The following CACNA1H variants were observed in gnomAD, a reference collection of about 807,000 sequenced individuals.
CACNA1H encodes the protein voltage-dependent T-type calcium channel subunit alpha-1H.
A neutral mutation model predicts 192.5 loss-of-function variants in CACNA1H; 149 were observed. That is an observed-to-expected ratio of 0.77 (90% CI 0.68 to 0.89). The LOEUF is 0.89. CACNA1H is among the 40% of genes least tolerant of loss of function. The probability of loss-of-function intolerance (pLI) is 0.00; values close to 1 mark genes in which losing one functional copy is unlikely to be tolerated. For missense variants in CACNA1H, 4,257 were observed against 3,423.5 expected (o/e 1.24, Z -6.08); for synonymous variants, 2,202 against 1,475.2 (o/e 1.49, Z -11.29).
In CACNA1H at chr16:1,209,332, G is replaced by T; in HGVS notation, c.3664G>T (p.Val1222Leu). 1 of 1,598,032 alleles carries T rather than the reference G, an allele frequency of 6.3e-7. No homozygotes were observed. Among genetic ancestry groups the T allele is most frequent in the Non-Finnish European group, 8.5e-7 (1 of 1,179,416 alleles). Reference protein sequence around the residue: ...TKCRDRDGQVVALPSDFFLRI... With the variant: ...TKCRDRDGQVLALPSDFFLRI... ...GTGCCGCGATCGCGACGGGCAGGTG[G>T]TGGCCCTGCCCAGCGACTTCTTCCT... Residue 1222 changes from valine to leucine, a missense_variant, in exon 17 of 35, where the codon GTG becomes TTG. Transcript: ENST00000348261.
intron 2 of CACNA1H, among the ~76,000 whole-genome samples, chr16:1,183,655 C>T (rs961705107): frequency 3.9e-5 from 6 of 152,250 alleles, no homozygotes; most frequent in Non-Finnish European, 8.8e-5. Flanking sequence ...TCAGGGCAGG[C>T]TCTGGAGCTC....
chr16:1,178,706 C>T (rs1022608115), intron 2 of CACNA1H, among the ~76,000 whole-genome samples: 1 of 152,230 alleles, frequency 6.6e-6, no homozygotes, highest in Non-Finnish European at 1.5e-5. Flanking sequence ...TCCCTGACCC[C>T]TGGCCAAACC....
intron 2 of CACNA1H, among the ~76,000 whole-genome samples, chr16:1,156,234 A>T (rs1261618798): frequency 6.6e-6 from 1 of 151,916 alleles, no homozygotes; most frequent in South Asian, 2.1e-4. Flanking sequence ...ACTCCAGGAG[A>T]CATGGGAAGC....
intron 2 of CACNA1H, among the ~76,000 whole-genome samples, chr16:1,172,000 C>T (rs1030466322): frequency 3.3e-5 from 5 of 152,228 alleles, no homozygotes; most frequent in African/African-American, 4.8e-5. Context: ...GTGGGCCCCC[C>T]GCCAGGTGCT....
chr16:1,197,715 C>T (rs1195197043), intron 5 of CACNA1H, among the ~76,000 whole-genome samples: 3 of 152,200 alleles, frequency 2.0e-5, no homozygotes, highest in African/African-American at 7.2e-5. Context: ...CTCTGACTCA[C>T]CCTTGTGACC....
chr16:1,160,215 C>G (rs1037047617), intron 2 of CACNA1H: 3 of 152,324 alleles, frequency 2.0e-5, no homozygotes, highest in African/African-American at 4.8e-5. Context: ...CTGTCCCTGC[C>G]TGTCCTCGTC....
Position 1,205,132 on chromosome 16 carries a change from G to A in CACNA1H, c.2470G>A (p.Ala824Thr), listed in dbSNP as rs762216034. Residue 824 changes from alanine (A) to threonine (T), a missense_variant, in exon 11 of 35, where the codon GCT becomes ACT. Transcript: ENST00000348261. ...YHEQPEELTN[A>T]LEISNIVFTS... ...CCTGCAGCCCGAGGAGCTGACTAAT[G>A]CTCTGGAGATCAGCAACATCGTGTT... The A allele has an allele frequency of 3.1e-6, 5 of 1,612,394 alleles. No homozygotes were observed. The highest frequency in any genetic ancestry group is 3.3e-4 in the Middle Eastern group (2 of 6,058).
intron 31 of CACNA1H, among the ~76,000 whole-genome samples, chr16:1,217,452 G>C (rs60635497): frequency 0.014 from 2,153 of 151,638 alleles, 49 homozygotes; most frequent in African/African-American, 0.049. Context: ...GCTGGGCGGG[G>C]CAGGTGGGGA....
At chr16:1,209,667 G>A (rs1969191969) in intron 17 of CACNA1H, among the ~76,000 whole-genome samples, 1 of 152,242 alleles carries the variant, frequency 6.6e-6, no homozygotes, top group Admixed American at 6.5e-5. Flanking sequence ...CGGGGGCTGG[G>A]CTCTGCGCCG....
intron 5 of CACNA1H, among the ~76,000 whole-genome samples, chr16:1,197,194 C>G (rs1261361899): frequency 6.6e-6 from 1 of 152,208 alleles, no homozygotes; most frequent in African/African-American, 2.4e-5. Context: ...TACTGTGTGA[C>G]TCTGAGCAAC....
At chr16:1,211,373 C>T (rs1297197964) in intron 22 of CACNA1H, 79 bp downstream of exon 22, 19 of 1,606,290 alleles carry the variant, frequency 1.2e-5, no homozygotes, top group East Asian at 4.5e-5. Context: ...CCAGCAGCGC[C>T]GCTGCGGGAC....
At chr16:1,189,311 C>T (rs1034154781) in intron 2 of CACNA1H, among the ~76,000 whole-genome samples, 1 of 151,010 alleles carries the variant, frequency 6.6e-6, no homozygotes, top group Non-Finnish European at 1.5e-5. Context: ...ACCTGCCCAG[C>T]CCCTCAGAAG....
At chr16:1,193,692 C>T (rs7191370) in intron 2 of CACNA1H, among the ~76,000 whole-genome samples, 7,471 of 152,286 alleles carry the variant, frequency 0.049, 617 homozygotes, top group African/African-American at 0.17. Context: ...AATTACCGCA[C>T]TCTTGGTGGG....
At chr16:1,218,749 G>A in intron 33 of CACNA1H, 98 bp downstream of exon 33, 1 of 1,287,348 alleles carries the variant, frequency 7.8e-7, no homozygotes, top group African/African-American at 1.5e-5. Context: ...GCCAGAGCAG[G>A]GCAAGAGGAA....
intron 2 of CACNA1H, among the ~76,000 whole-genome samples, chr16:1,158,620 C>T (rs184947220): frequency 2.6e-4 from 40 of 152,342 alleles, no homozygotes; most frequent in Middle Eastern, 6.8e-3. Flanking sequence ...ACTCGGGACT[C>T]AGGCCCCGCT....
rs2141197477 is a variant in CACNA1H, at chr16:1,195,426, C to T, written c.412-6C>T. 6 of 1,551,600 alleles carry T rather than the reference C, an allele frequency of 3.9e-6. No individual in the cohort carries two copies. The highest frequency in any genetic ancestry group is 3.5e-6 in the Non-Finnish European group (4 of 1,147,124). On this transcript the variant is annotated splice_region_variant and splice_polypyrimidine_tract_variant and intron_variant, in intron 3 of 34. Transcript: ENST00000348261. ...CCACGGGCCCTCCTGATGCCTCCTC[C>T]CGCAGGCCTTTGACGCCTTCATTTT...
intron 9 of CACNA1H, 77 bp downstream of exon 9, chr16:1,202,529 C>T (rs1341083788): frequency 3.9e-6 from 5 of 1,282,798 alleles, no homozygotes; most frequent in African/African-American, 1.5e-5. Context: ...TGTGTCATTC[C>T]CACACCCATT....
intron 2 of CACNA1H, among the ~76,000 whole-genome samples, chr16:1,164,551 G>A (rs1365717110): frequency 1.3e-5 from 2 of 152,248 alleles, no homozygotes; most frequent in African/African-American, 2.4e-5. Context: ...TGGCCATCAG[G>A]TGGGCAGTGG....
At chr16:1,203,872 A>G in intron 9 of CACNA1H, 138 bp from the exon 10 acceptor site, 2 of 618,940 alleles carry the variant, frequency 3.2e-6, no homozygotes, top group Non-Finnish European at 5.6e-6. Context: ...GTCCAGTCAC[A>G]GGTTCTGGAG....
Sources: allele counts gnomAD v4.1 joint callset (sites outside exome capture counted in the v4.1 genomes callset), GRCh38; gene constraint gnomAD v4.1.1; transcripts MANE v1.5; gene names NCBI Gene and HGNC (gene_info 2026-07-23, HGNC 2026-07-21).